Variants in LRP1B observed in about 807,000 individuals in gnomAD.
LRP1B encodes the protein low-density lipoprotein receptor-related protein 1B.
A neutral mutation model predicts 556.6 loss-of-function variants in LRP1B; 217 were observed. The ratio of observed to expected loss-of-function variants is 0.39; its 90% confidence interval spans 0.35 to 0.44. LRP1B has a LOEUF of 0.44. Ranked by LOEUF, LRP1B falls within the 20% of genes least tolerant of loss-of-function variation. The pLI, the probability that LRP1B is intolerant of heterozygous loss-of-function variation, is 1.00. For missense variants in LRP1B, 5,053 were observed against 5,620.8 expected (o/e 0.90, Z 3.23); for synonymous variants, 2,047 against 1,865.8 (o/e 1.10, Z -2.50).
In LRP1B at chr2:141,096,629, G is replaced by GGAGAGGGA. The variant is rs1700318285; in HGVS notation, c.1014-34357_1014-34356insTCCCTCTC. 8.9e-4 allele frequency among the ~76,000 whole-genome samples: 53 copies of GGAGAGGGA among 59,744 alleles called. 1 individual carries two copies. The highest frequency in any genetic ancestry group is 3.5e-3 in the African/African-American group (48 of 13,702). 39.2% of individuals were successfully genotyped at this position (59,744 alleles called of 152,430 possible). Reference sequence around the variant, plus strand: ...CTGAATGACAAAGACGGGGAGAGGGGGAGAGAGAGAGAGAGAGAGAGAGAG... The same window carrying GGAGAGGGA: ...CTGAATGACAAAGACGGGGAGAGGGGGAGAGGGAGAGAGAGAGAGAGAGAGAGAGAGAG... On this transcript the variant is annotated intron_variant, in intron 7 of 90. Transcript: ENST00000389484.
At chr2:140,802,647 C>A (rs982892714) in intron 32 of LRP1B, among the ~76,000 whole-genome samples, 4 of 152,052 alleles carry the variant, frequency 2.6e-5, no homozygotes, top group African/African-American at 9.7e-5. Flanking sequence ...TGAGAAAAAG[C>A]AGCTATTTCT....
rs186724676 is a variant in LRP1B, at chr2:140,572,371, A to G, written c.7194+26260T>C. 1.7e-3 allele frequency among the ~76,000 whole-genome samples: 261 copies of G among 151,886 alleles called. 3 individuals carry two copies. The highest frequency in any genetic ancestry group is 3.8e-3 in the Admixed American group (58 of 15,238). On this transcript the variant is annotated intron_variant, in intron 43 of 90. Coordinates refer to ENST00000389484, the MANE Select transcript of LRP1B (RefSeq NM_018557.3). ...CTCTCAAAAGACGACATGCAAATAA[A>G]TGGCCAACAGGTATCTGAAAAAACG...
intron 3 of LRP1B, among the ~76,000 whole-genome samples, chr2:141,347,962 T>C (rs1466739980): frequency 6.6e-6 from 1 of 152,104 alleles, no homozygotes; most frequent in African/African-American, 2.4e-5. Context: ...GACATAGCTC[T>C]TCAGAAAACA....
chr2:141,572,872 G>A (rs1239764133), intron 2 of LRP1B, among the ~76,000 whole-genome samples: 1 of 151,058 alleles, frequency 6.6e-6, no homozygotes, highest in African/African-American at 2.4e-5. Context: ...AATGGTAAAG[G>A]GAATAATTCA....
intron 23 of LRP1B, among the ~76,000 whole-genome samples, chr2:140,901,530 G>A (rs903548909): frequency 2.6e-5 from 4 of 152,010 alleles, no homozygotes; most frequent in African/African-American, 9.7e-5. Flanking sequence ...GGGTAAATGG[G>A]ATATCCATCA....
intron 35 of LRP1B, among the ~76,000 whole-genome samples, chr2:140,757,028 CA>C (rs1265576945): frequency 6.6e-6 from 1 of 152,064 alleles, no homozygotes; most frequent in Non-Finnish European, 1.5e-5. Flanking sequence ...TCTTCATATA[CA>C]CATATAAATG....
intron 2 of LRP1B, among the ~76,000 whole-genome samples, chr2:141,624,399 A>G (rs1345709244): frequency 6.6e-6 from 1 of 152,366 alleles, no homozygotes; most frequent in East Asian, 1.9e-4. Flanking sequence ...AGTTGAATAA[A>G]AGAGGACTAG....
intron 1 of LRP1B, among the ~76,000 whole-genome samples, chr2:142,048,405 C>G (rs538783391): frequency 6.6e-6 from 1 of 152,034 alleles, no homozygotes; most frequent in African/African-American, 2.4e-5. Flanking sequence ...ATGGACTGAT[C>G]TTTACTTAGC....
intron 3 of LRP1B, among the ~76,000 whole-genome samples, chr2:141,342,860 G>A (rs1688121744): frequency 6.6e-6 from 1 of 152,064 alleles, no homozygotes; most frequent in South Asian, 2.1e-4. Flanking sequence ...TCAAATTCAG[G>A]AAATACAGAG....
chr2:141,842,172 T>C (rs1258541933), intron 1 of LRP1B, among the ~76,000 whole-genome samples: 1 of 152,150 alleles, frequency 6.6e-6, no homozygotes, highest in Non-Finnish European at 1.5e-5. Flanking sequence ...ATTTCTGACT[T>C]TGGTTTTTGT....
At chr2:141,441,056 T>G (rs532668069) in intron 3 of LRP1B, among the ~76,000 whole-genome samples, 8 of 150,006 alleles carry the variant, frequency 5.3e-5, no homozygotes, top group Non-Finnish European at 1.0e-4. Flanking sequence ...GAAGCCCTGA[T>G]TTTTTTTTTA....
chr2:141,889,300 T>C (rs1469067956), intron 1 of LRP1B, among the ~76,000 whole-genome samples: 3 of 152,110 alleles, frequency 2.0e-5, no homozygotes, highest in African/African-American at 7.2e-5. Context: ...CAAGAAGACA[T>C]TGTATTGATA....
At chr2:140,755,183 G>A (rs1051519567) in intron 35 of LRP1B, among the ~76,000 whole-genome samples, 3 of 151,784 alleles carry the variant, frequency 2.0e-5, no homozygotes, top group African/African-American at 4.8e-5. Flanking sequence ...AATCAAAATC[G>A]AATCCCTCAA....
intron 2 of LRP1B, among the ~76,000 whole-genome samples, chr2:141,749,955 C>T (rs1437338): frequency 0.97 from 147,977 of 152,186 alleles, 72,059 homozygotes; most frequent in East Asian, 1. Context: ...ATGGAGCTTC[C>T]CTGCAACAGC....
intron 2 of LRP1B, among the ~76,000 whole-genome samples, chr2:141,527,522 T>C (rs1390066746): frequency 2.0e-5 from 3 of 152,122 alleles, no homozygotes; most frequent in Admixed American, 6.6e-5. Flanking sequence ...TATCTGCTGA[T>C]AGATAACTAT....
At chr2:141,536,668 G>A (rs1174982226) in intron 2 of LRP1B, among the ~76,000 whole-genome samples, 1 of 152,016 alleles carries the variant, frequency 6.6e-6, no homozygotes, top group Non-Finnish European at 1.5e-5. Flanking sequence ...AGCTCCTCTA[G>A]AACTAGAGAA....
chr2:140,904,911 G>A (rs962047926), intron 22 of LRP1B, among the ~76,000 whole-genome samples: 1 of 152,082 alleles, frequency 6.6e-6, no homozygotes, highest in Non-Finnish European at 1.5e-5. Context: ...CAGTACTGAA[G>A]TGTCTCTTTC....
At chr2:141,027,453 A>G (rs764085918) in intron 11 of LRP1B, among the ~76,000 whole-genome samples, 6 of 152,144 alleles carry the variant, frequency 3.9e-5, no homozygotes, top group Non-Finnish European at 7.3e-5. Flanking sequence ...ATGACTAACA[A>G]TGTAGAGATT....
At chr2:140,664,906 T>C (rs1470669925) in intron 41 of LRP1B, among the ~76,000 whole-genome samples, 1 of 152,098 alleles carries the variant, frequency 6.6e-6, no homozygotes, top group African/African-American at 2.4e-5. Flanking sequence ...TCTGAAACAA[T>C]AAAATGCAAC....
Sources: gnomAD v4.1 joint callset for allele counts (sites outside exome capture counted in the v4.1 genomes callset) on GRCh38, gnomAD v4.1.1 for gene constraint, MANE v1.5 for transcripts, NCBI Gene and HGNC (gene_info 2026-07-23, HGNC 2026-07-21) for gene names.